Variants in MTUS2 observed in about 807,000 individuals in gnomAD.
MTUS2 encodes microtubule associated scaffold protein 2.
In MTUS2, 40 loss-of-function variants were observed where a neutral mutation model predicts 114.1. The observed-to-expected ratio is 0.35, with a 90% CI of 0.27 to 0.46. The LOEUF is 0.46. Ranked by LOEUF, MTUS2 falls within the 20% of genes least tolerant of loss-of-function variation. The probability of loss-of-function intolerance (pLI) is 1.00; values close to 1 mark genes in which losing one functional copy is unlikely to be tolerated. For synonymous variants in MTUS2, 688 were observed against 672.0 expected (o/e 1.02, Z -0.37); for missense variants, 1,679 against 1,705.4 (o/e 0.98, Z 0.27).
chr13:29,064,708 A>G (rs1199508284), intron 4 of MTUS2, among the ~76,000 whole-genome samples: 2 of 152,058 alleles, frequency 1.3e-5, no homozygotes, highest in African/African-American at 2.4e-5. Context: ...GGTTTCTTAT[A>G]CAGATTATTT....
At chr13:29,082,891 G>C (rs978676425) in intron 4 of MTUS2, among the ~76,000 whole-genome samples, 2 of 152,064 alleles carry the variant, frequency 1.3e-5, no homozygotes, top group African/African-American at 4.8e-5. Context: ...CATGAGAGGA[G>C]GTTACTAAAG....
At chr13:28,909,656 A>G (rs903533340) in intron 2 of MTUS2, among the ~76,000 whole-genome samples, 1 of 152,182 alleles carries the variant, frequency 6.6e-6, no homozygotes, top group Non-Finnish European at 1.5e-5. Context: ...TCTATTCAAC[A>G]TAGTGTTGGA....
chr13:28,997,061 T>C (rs1436658734), intron 2 of MTUS2, among the ~76,000 whole-genome samples: 1 of 152,382 alleles, frequency 6.6e-6, no homozygotes, highest in East Asian at 1.9e-4. Context: ...CACACACTGC[T>C]TTGAATGTGT....
intron 2 of MTUS2, among the ~76,000 whole-genome samples, chr13:28,857,171 C>T (rs972551175): frequency 1.3e-5 from 2 of 152,154 alleles, no homozygotes; most frequent in Non-Finnish European, 2.9e-5. Context: ...AGAGCCATCT[C>T]GAGTATAGAA....
intron 2 of MTUS2, among the ~76,000 whole-genome samples, chr13:28,997,836 CTT>C (rs1019284239): frequency 2.0e-5 from 3 of 152,130 alleles, no homozygotes; most frequent in Admixed American, 1.3e-4. Flanking sequence ...GGTCTTGACT[CTT>C]TATCCAATTT....
intron 4 of MTUS2, 90 bp downstream of exon 4, chr13:29,034,215 C>G: frequency 2.6e-6 from 4 of 1,544,622 alleles, no homozygotes; most frequent in Non-Finnish European, 3.5e-6. Flanking sequence ...ATATGAATGC[C>G]TTTCATCCTT....
At chr13:29,418,793 C>T (rs1263011413) in intron 8 of MTUS2, among the ~76,000 whole-genome samples, 5 of 152,174 alleles carry the variant, frequency 3.3e-5, no homozygotes, top group Admixed American at 6.5e-5. Flanking sequence ...GTGAAATGTC[C>T]GCGTTCTAGA....
At chr13:29,080,725 C>G (rs4262810) in intron 4 of MTUS2, among the ~76,000 whole-genome samples, 87,383 of 151,874 alleles carry the variant, frequency 0.58, 25,430 homozygotes, top group Non-Finnish European at 0.61. Context: ...ATCTCTCTCT[C>G]TCTCTTTTTC....
At chr13:28,965,318 T>G (rs1239704397) in intron 2 of MTUS2, among the ~76,000 whole-genome samples, 1 of 152,170 alleles carries the variant, frequency 6.6e-6, no homozygotes, top group Non-Finnish European at 1.5e-5. Flanking sequence ...TTCCATCGTT[T>G]GTAATCAGTG....
intron 9 of MTUS2, among the ~76,000 whole-genome samples, chr13:29,472,836 G>C (rs1237984375): frequency 6.6e-6 from 1 of 152,154 alleles, no homozygotes; most frequent in African/African-American, 2.4e-5. Context: ...AGGAAGACAT[G>C]GGAAATTCCT....
intron 9 of MTUS2, among the ~76,000 whole-genome samples, chr13:29,442,000 C>T (rs1454851127): frequency 6.6e-6 from 1 of 152,198 alleles, no homozygotes. Flanking sequence ...GAGGCCTCTC[C>T]TCCTGAGCGA....
At chr13:29,239,049 T>C (rs575494758) in intron 5 of MTUS2, among the ~76,000 whole-genome samples, 1 of 152,310 alleles carries the variant, frequency 6.6e-6, no homozygotes, top group Admixed American at 6.5e-5. Context: ...ATGGTGACTA[T>C]AGTTAACAGT....
chr13:29,250,920 T>C (rs1897102565), intron 5 of MTUS2, among the ~76,000 whole-genome samples: 1 of 152,178 alleles, frequency 6.6e-6, no homozygotes, highest in Non-Finnish European at 1.5e-5. Context: ...CTGTCTATAT[T>C]GACCAAAGTT....
intron 8 of MTUS2, among the ~76,000 whole-genome samples, chr13:29,389,175 ATATATATC>A (rs1003231823): frequency 5.3e-5 from 8 of 150,346 alleles, no homozygotes; most frequent in East Asian, 1.9e-4. Flanking sequence ...TTTTGACTAT[ATATATATC>A]TATATATCTA....
chr13:29,034,039 T>C lies in MTUS2; in HGVS notation c.2360T>C (p.Ile787Thr). ...CCATCTGCAAAGAGCAGGATTCTGA[T>C]TGCAAGTCAGAGGTCTTCAGCGAGC... is the stretch of plus-strand genomic sequence containing the variant. ...RLPSAKSRIL[I>T]ASQRSSASAI... is the part of the protein sequence containing the mutation. The change falls in exon 4 of 16, where the codon ATT (isoleucine) becomes ACT (threonine). Residue 787 changes from isoleucine (I) to threonine (T), a missense_variant. This residue lies in a region of MTUS2 where 822 missense variants were observed against 899.7 expected (regional missense o/e 0.91). Transcript: ENST00000612955. 6.2e-7 allele frequency: 1 copy of C among 1,614,012 alleles called. No individual in the cohort carries two copies. Among genetic ancestry groups the C allele is most frequent in the Non-Finnish European group, 8.5e-7 (1 of 1,179,894 alleles).
At position 28,990,260 on chromosome 13, in the gene MTUS2, A is replaced by G. The variant is rs112186222; in HGVS notation, c.-242-34197A>G. Reference sequence around the variant, plus strand: ...TTCTATGCAATTAGGGACAGAGTCTATGTGAGAGGATGGGGGATGGTATTG... The same window carrying G: ...TTCTATGCAATTAGGGACAGAGTCTGTGTGAGAGGATGGGGGATGGTATTG... On this transcript the variant is annotated intron_variant, in intron 2 of 15. Coordinates refer to ENST00000612955, the MANE Select transcript of MTUS2 (RefSeq NM_001033602.4). Among the ~76,000 whole-genome samples, 546 of 152,302 alleles carry G rather than the reference A, an allele frequency of 3.6e-3. 3 individuals carry two copies. The highest frequency in any genetic ancestry group is 0.013 in the African/African-American group (521 of 41,574).
intron 11 of MTUS2, among the ~76,000 whole-genome samples, chr13:29,491,901 C>T (rs1278027762): frequency 5.7e-5 from 5 of 87,980 alleles, no homozygotes; most frequent in Non-Finnish European, 6.6e-5. Flanking sequence ...GTGTGCGTGG[C>T]GTGTAGTGTG....
chr13:29,061,255 C>CT (rs900484982), intron 4 of MTUS2, among the ~76,000 whole-genome samples: 1 of 152,046 alleles, frequency 6.6e-6, no homozygotes, highest in Non-Finnish European at 1.5e-5. Context: ...GCTTAAAGTT[C>CT]TTTTAGAATA....
chr13:29,369,081 G>A (rs573529567), intron 8 of MTUS2, among the ~76,000 whole-genome samples: 11 of 152,082 alleles, frequency 7.2e-5, no homozygotes, highest in East Asian at 1.9e-4. Context: ...CCAGACAGCA[G>A]AAGAAAAGGT....
Sources: allele counts gnomAD v4.1 joint callset (sites outside exome capture counted in the v4.1 genomes callset), GRCh38; gene constraint gnomAD v4.1.1; regional missense constraint gnomAD v4.1.1; transcripts MANE v1.5; gene names NCBI Gene and HGNC (gene_info 2026-07-23, HGNC 2026-07-21).